ABCD3: variants seen among roughly 807,000 people sequenced by gnomAD.
ABCD3 encodes ATP binding cassette subfamily D member 3.
Under a neutral mutation model 105.5 loss-of-function variants are expected in ABCD3, and 41 were observed. The ratio of observed to expected loss-of-function variants is 0.39; its 90% CI spans 0.30 to 0.50. The LOEUF is 0.50. Ranked by LOEUF, ABCD3 falls within the 20% of genes least tolerant of loss-of-function variation. ABCD3 has a pLI of 0.84. For missense variants in ABCD3, 622 were observed against 806.3 expected (o/e 0.77, Z 2.77); for synonymous variants, 258 against 269.0 (o/e 0.96, Z 0.40).
the ABCD3 span, among the ~76,000 whole-genome samples, chr1:94,408,596 AAAAC>A: frequency 6.6e-6 from 1 of 152,142 alleles, no homozygotes; most frequent in Non-Finnish European, 1.5e-5. Flanking sequence ...TCCATCTCAA[AAAAC>A]AAACAAACAA....
At chr1:94,434,532 C>A (rs183026357) in intron 1 of ABCD3, among the ~76,000 whole-genome samples, 2 of 151,960 alleles carry the variant, frequency 1.3e-5, no homozygotes, top group Non-Finnish European at 2.9e-5. Flanking sequence ...TGTTGTACTG[C>A]GGTATGATGT....
chr1:94,462,947 G>A (rs1647950262), intron 2 of ABCD3, among the ~76,000 whole-genome samples: 1 of 152,084 alleles, frequency 6.6e-6, no homozygotes, highest in Non-Finnish European at 1.5e-5. Context: ...CTGGGTTTGG[G>A]GAAAATACAA....
At chr1:94,404,952 GAA>G in the ABCD3 span, among the ~76,000 whole-genome samples, 1 of 132,858 alleles carries the variant, frequency 7.5e-6, no homozygotes, top group Admixed American at 7.6e-5. Context: ...AAAAAAAAAA[GAA>G]AAAAAAAAAC....
At chr1:94,390,168 A>T in the ABCD3 span, among the ~76,000 whole-genome samples, 3 of 152,178 alleles carry the variant, frequency 2.0e-5, no homozygotes, top group African/African-American at 7.2e-5. Context: ...GGCAGACCTG[A>T]TTTAAGCCAT....
chr1:94,385,213 G>A, the ABCD3 span, among the ~76,000 whole-genome samples: 2 of 152,320 alleles, frequency 1.3e-5, no homozygotes, highest in East Asian at 3.9e-4. Context: ...TTAGCTGACA[G>A]AAGGGGCACA....
In ABCD3 at chr1:94,517,348, T is replaced by C; in HGVS notation, c.*219T>C. On this transcript the variant is annotated 3_prime_UTR_variant, in exon 23 of 23. Coordinates refer to ENST00000370214, the MANE Select transcript of ABCD3 (RefSeq NM_002858.4). ...GTATATGTTGGTTTAATTAATAATA[T>C]GTACTAAGAATGTCCTTATTCTTGT... is the stretch of plus-strand genomic sequence containing the variant. 1 of 471,938 alleles carries C rather than the reference T, an allele frequency of 2.1e-6. No homozygotes were observed. Among genetic ancestry groups the C allele is most frequent in the East Asian group, 4.1e-5 (1 of 24,114 alleles). 29.2% of individuals were successfully genotyped at this position (471,938 alleles called of 1,614,324 possible). A position where few individuals can be genotyped will look rare whatever the true frequency, so the allele number is the denominator to read the frequency against.
chr1:94,482,874 T>C (rs912889771), intron 9 of ABCD3: 43 of 370,852 alleles, frequency 1.2e-4, no homozygotes, highest in African/African-American at 8.6e-4. Context: ...CAGCAACTTC[T>C]TTCTCTAATT....
At chr1:94,511,862 C>T (rs657533) in intron 21 of ABCD3, among the ~76,000 whole-genome samples, 146,806 of 152,106 alleles carry the variant, frequency 0.97, 70,939 homozygotes, top group African/African-American at 0.99. Context: ...TAAGCACTTC[C>T]CTGTATTGGT....
At chr1:94,506,233 A>G (rs1340422280) in intron 20 of ABCD3, among the ~76,000 whole-genome samples, 1 of 151,994 alleles carries the variant, frequency 6.6e-6, no homozygotes, top group Non-Finnish European at 1.5e-5. Context: ...CTGTAATCTT[A>G]TTTGTTTAGT....
At chr1:94,455,665 C>T (rs1248017125) in intron 1 of ABCD3, 2 of 441,626 alleles carry the variant, frequency 4.5e-6, no homozygotes, top group Admixed American at 5.2e-5. Flanking sequence ...GAAAATAGGA[C>T]TTATATGTAG....
intron 16 of ABCD3, among the ~76,000 whole-genome samples, chr1:94,495,598 A>ATT (rs1229879165): frequency 6.6e-6 from 1 of 152,202 alleles, no homozygotes; most frequent in Admixed American, 6.5e-5. Flanking sequence ...ATAACTCAGG[A>ATT]TTTCAGTAAG....
intron 1 of ABCD3, among the ~76,000 whole-genome samples, chr1:94,426,295 C>T (rs1659466607): frequency 6.6e-6 from 1 of 152,100 alleles, no homozygotes; most frequent in East Asian, 1.9e-4. Flanking sequence ...ATATGACAGT[C>T]TTTATTTCTC....
At chr1:94,472,122 A>T in intron 4 of ABCD3, 2 of 538,678 alleles carry the variant, frequency 3.7e-6, no homozygotes, top group Non-Finnish European at 4.7e-6. Context: ...TGGAAGTTGT[A>T]GTGATTAGGG....
At chr1:94,449,637 G>C (rs1487582492) in intron 1 of ABCD3, among the ~76,000 whole-genome samples, 1 of 152,212 alleles carries the variant, frequency 6.6e-6, no homozygotes, top group African/African-American at 2.4e-5. Context: ...CAGAAAAAGT[G>C]AACGTACTTG....
chr1:94,490,643 A>G (rs1336718824), intron 15 of ABCD3, among the ~76,000 whole-genome samples: 3 of 152,082 alleles, frequency 2.0e-5, no homozygotes, highest in Admixed American at 6.5e-5. Flanking sequence ...CACTGTACAC[A>G]CTATATTTTC....
intron 1 of ABCD3, among the ~76,000 whole-genome samples, chr1:94,425,435 G>A (rs1362198652): frequency 1.3e-5 from 2 of 152,050 alleles, no homozygotes; most frequent in African/African-American, 2.4e-5. Flanking sequence ...TTATTTTCCT[G>A]TTAGCTATTG....
rs900442747 is a variant in ABCD3 at position 94,444,500 on chromosome 1, C to T, written c.111-14107C>T. On this transcript the variant is annotated intron_variant, in intron 1 of 22. Transcript: ENST00000370214. Reference sequence around the variant, plus strand: ...ATTTTAAATTATTTTAGGCACTGGACAACATGTTGAACCTTCTTCTTAAAT... The same window carrying T: ...ATTTTAAATTATTTTAGGCACTGGATAACATGTTGAACCTTCTTCTTAAAT... 5.9e-5 allele frequency among the ~76,000 whole-genome samples: 9 copies of T among 152,218 alleles called. No individual in the cohort carries two copies. The East Asian group carries it at 1.7e-3, about 29-fold the overall frequency.
At chr1:94,435,584 C>G (rs1168716795) in intron 1 of ABCD3, among the ~76,000 whole-genome samples, 1 of 152,104 alleles carries the variant, frequency 6.6e-6, no homozygotes, top group African/African-American at 2.4e-5. Context: ...ATTTTAGCAG[C>G]CACTGATGCT....
rs778909026 is a variant in ABCD3, at chr1:94,487,730, G to T, written c.1004G>T (p.Arg335Leu). Residue 335 changes from arginine (R) to leucine (L), a missense_variant, in exon 12 of 23, where the codon CGC (arginine) becomes CTC (leucine). Arg to Leu is a moderately radical substitution (Grantham distance 102). Transcript: ENST00000370214. ...ATVVGYLVVS[R>L]PFLDLSHPRH... is the part of the protein sequence containing the mutation. ...GTTGTTGGTTACCTAGTTGTCAGTC[G>T]CCCTTTCTTAGATTTGTCTCATCCT... 6.2e-7 allele frequency: 1 copy of T among 1,613,902 alleles called. No individual in the cohort carries two copies. Among genetic ancestry groups the T allele is most frequent in the Non-Finnish European group, 8.5e-7 (1 of 1,179,918 alleles).
Sources: gnomAD v4.1 joint callset for allele counts (sites outside exome capture counted in the v4.1 genomes callset) on GRCh38, gnomAD v4.1.1 for gene constraint, MANE v1.5 for transcripts, NCBI Gene and HGNC (gene_info 2026-07-23, HGNC 2026-07-21) for gene names.